The following ITGA8 variants were observed in gnomAD, a reference collection of about 807,000 sequenced individuals.
ITGA8 encodes the protein integrin subunit alpha 8.
ITGA8 carries 91 observed loss-of-function variants against 142.3 expected under a neutral mutation model. The observed-to-expected ratio is 0.64, with a 90% CI of 0.54 to 0.76. The LOEUF (loss-of-function observed/expected upper bound fraction) is 0.76. Among genes scored for constraint, ITGA8 ranks in the 30% least tolerant of loss-of-function variants. ITGA8 has a pLI of 0.00. For synonymous variants in ITGA8, 505 were observed against 485.2 expected (o/e 1.04, Z -0.54); for missense variants, 1,406 against 1,327.7 (o/e 1.06, Z -0.92).
chr10:15,526,618 G>A (rs887026703), intron 28 of ITGA8, among the ~76,000 whole-genome samples: 2 of 152,198 alleles, frequency 1.3e-5, no homozygotes, highest in African/African-American at 4.8e-5. Context: ...TGAGTAACTG[G>A]AGTACTTAAA....
chr10:15,534,251 T>C (rs1036789320), intron 27 of ITGA8, among the ~76,000 whole-genome samples: 12 of 152,280 alleles, frequency 7.9e-5, no homozygotes, highest in Admixed American at 5.2e-4. Flanking sequence ...GTTGCTGAAC[T>C]TCAGACATAT....
chr10:15,681,721 T>G (rs767773159), intron 4 of ITGA8, among the ~76,000 whole-genome samples: 2 of 152,188 alleles, frequency 1.3e-5, no homozygotes, highest in Admixed American at 6.5e-5. Flanking sequence ...AAAAGGCATA[T>G]GAAGGATGGT....
chr10:15,612,988 C>A, intron 15 of ITGA8, among the ~76,000 whole-genome samples: 1 of 152,132 alleles, frequency 6.6e-6, no homozygotes, highest in Admixed American at 6.5e-5. Context: ...TAGTGAAACC[C>A]CGTCTCTACT....
At chr10:15,596,185 A>G (rs532062735) in intron 21 of ITGA8, among the ~76,000 whole-genome samples, 10 of 152,332 alleles carry the variant, frequency 6.6e-5, no homozygotes, top group East Asian at 3.9e-4. Context: ...CTCTCTTTCA[A>G]TGCTTCATTT....
At chr10:15,536,348 G>A (rs1287749752) in intron 27 of ITGA8, among the ~76,000 whole-genome samples, 1 of 152,148 alleles carries the variant, frequency 6.6e-6, no homozygotes, top group Admixed American at 6.5e-5. Context: ...CCAAGGAATG[G>A]AAAACGTGGT....
At chr10:15,528,045 A>G (rs1833213672) in intron 28 of ITGA8, among the ~76,000 whole-genome samples, 1 of 150,596 alleles carries the variant, frequency 6.6e-6, no homozygotes. Flanking sequence ...CCTCCTGAGT[A>G]GCTGGGACTA....
At chr10:15,660,096 A>G (rs1834257130) in intron 9 of ITGA8, among the ~76,000 whole-genome samples, 1 of 152,200 alleles carries the variant, frequency 6.6e-6, no homozygotes, top group South Asian at 2.1e-4. Context: ...TGAAATAACA[A>G]TTGCTTTTAT....
intron 4 of ITGA8, among the ~76,000 whole-genome samples, chr10:15,682,284 T>C (rs1834751890): frequency 6.6e-6 from 1 of 152,328 alleles, no homozygotes; most frequent in Non-Finnish European, 1.5e-5. Flanking sequence ...TTTTCCCTCT[T>C]GTTCTTTGCT....
At chr10:15,542,747 T>C (rs1204381374) in intron 27 of ITGA8, among the ~76,000 whole-genome samples, 3 of 152,184 alleles carry the variant, frequency 2.0e-5, no homozygotes, top group Non-Finnish European at 4.4e-5. Flanking sequence ...CCATATAATA[T>C]CTATGTCTCA....
intron 6 of ITGA8, among the ~76,000 whole-genome samples, chr10:15,673,919 A>G (rs1354645772): frequency 6.6e-6 from 1 of 152,226 alleles, no homozygotes; most frequent in Non-Finnish European, 1.5e-5. Flanking sequence ...TGCAATTTCT[A>G]TGCATTCCCA....
At chr10:15,573,250 G>A (rs192290326) in intron 24 of ITGA8, among the ~76,000 whole-genome samples, 1 of 152,006 alleles carries the variant, frequency 6.6e-6, no homozygotes, top group Non-Finnish European at 1.5e-5. Context: ...ATTGCTTTTT[G>A]CACTACCAGT....
chr10:15,710,483 G>C (rs1835343388), intron 2 of ITGA8, among the ~76,000 whole-genome samples: 2 of 152,166 alleles, frequency 1.3e-5, no homozygotes, highest in Non-Finnish European at 2.9e-5. Context: ...ATGTATCCTG[G>C]TGGGAACTAT....
At chr10:15,638,625 G>A (rs1833814536) in intron 13 of ITGA8, among the ~76,000 whole-genome samples, 1 of 152,118 alleles carries the variant, frequency 6.6e-6, no homozygotes, top group Non-Finnish European at 1.5e-5. Context: ...TGATAAGTGT[G>A]GCTTCTCAGG....
chr10:15,524,551 G>T (rs1298202363), intron 28 of ITGA8, among the ~76,000 whole-genome samples: 1 of 152,190 alleles, frequency 6.6e-6, no homozygotes, highest in African/African-American at 2.4e-5. Flanking sequence ...GAGTGATGGG[G>T]AGTCATGTGA....
intron 12 of ITGA8, 93 bp from the exon 13 acceptor site, chr10:15,644,314 C>T: frequency 8.2e-7 from 1 of 1,225,748 alleles, no homozygotes; most frequent in Non-Finnish European, 1.1e-6. Context: ...GTCACCCAAG[C>T]TGGAGTGCAG....
chr10:15,666,193 T>C (rs529739121), intron 8 of ITGA8, among the ~76,000 whole-genome samples: 141 of 152,332 alleles, frequency 9.3e-4, no homozygotes, highest in Non-Finnish European at 1.6e-3. Context: ...TTTTATTTCA[T>C]TGAGCAGTGG....
intron 23 of ITGA8, among the ~76,000 whole-genome samples, chr10:15,584,925 A>G (rs1832796465): frequency 6.6e-6 from 1 of 152,030 alleles, no homozygotes; most frequent in African/African-American, 2.4e-5. Context: ...GGCGTGGTGC[A>G]TGCCTGTAAT....
At chr10:15,608,401 TTA>T (rs1491104839) in intron 15 of ITGA8, 111 bp from the exon 16 acceptor site, 8 of 550,852 alleles carry the variant, frequency 1.5e-5, no homozygotes, top group Non-Finnish European at 2.2e-5. Flanking sequence ...ATATTTCTAA[TTA>T]CACACACACA....
intron 10 of ITGA8, 42 bp downstream of exon 10, chr10:15,658,957 A>G: frequency 8.0e-7 from 1 of 1,255,944 alleles, no homozygotes; most frequent in Non-Finnish European, 1.2e-6. Flanking sequence ...TCTACTGGTA[A>G]CCCAGAGTGA....
Sources: gnomAD v4.1 joint callset for allele counts (sites outside exome capture counted in the v4.1 genomes callset) on GRCh38, gnomAD v4.1.1 for gene constraint, MANE v1.5 for transcripts, NCBI Gene and HGNC (gene_info 2026-07-23, HGNC 2026-07-21) for gene names.